Variants in GTF2IRD1 observed in about 807,000 individuals in gnomAD.
GTF2IRD1 encodes the protein general transcription factor II-I repeat domain-containing protein 1.
In GTF2IRD1, 26 loss-of-function variants were observed where a neutral mutation model predicts 113.2. The observed-to-expected ratio is 0.23, with a 90% confidence interval of 0.17 to 0.32. The LOEUF (loss-of-function observed/expected upper bound fraction) is 0.32. Ranked by LOEUF, GTF2IRD1 falls within the 10% of genes least tolerant of loss-of-function variation. The pLI is 1.00. For synonymous variants in GTF2IRD1, 484 were observed against 529.1 expected (o/e 0.91, Z 1.17); for missense variants, 864 against 1,280.8 (o/e 0.67, Z 4.97).
intron 22 of GTF2IRD1, chr7:74,571,228 G>T (rs1800677190): frequency 5.4e-6 from 3 of 552,798 alleles, no homozygotes; most frequent in Non-Finnish European, 6.9e-6. Context: ...AAAATGAGAA[G>T]AATTGCCCAC....
intron 22 of GTF2IRD1, among the ~76,000 whole-genome samples, chr7:74,581,361 G>A (rs1554366093): frequency 1.3e-5 from 2 of 152,214 alleles, no homozygotes; most frequent in Non-Finnish European, 2.9e-5. Context: ...GAGTGGTTCA[G>A]GGACTTGCCC....
At chr7:74,574,807 G>A (rs587594202) in intron 22 of GTF2IRD1, among the ~76,000 whole-genome samples, 8 of 150,642 alleles carry the variant, frequency 5.3e-5, no homozygotes, top group African/African-American at 9.7e-5. Context: ...AAAAAAACCC[G>A]GCTGAGTGCA....
chr7:74,527,579 C>A lies in GTF2IRD1; in HGVS notation c.1091-2155C>A, dbSNP rs1246617545. ...GTGTGGGGCCGGGGACTGTGGTTCA[C>A]TCCTTTAATCCCAGCACTTTGGGAG... On this transcript the variant is annotated intron_variant, in intron 8 of 26. Coordinates refer to ENST00000424337, the MANE Select transcript of GTF2IRD1 (RefSeq NM_005685.4). Among the ~76,000 whole-genome samples the A allele has an allele frequency of 3.3e-5, 5 of 152,320 alleles. No individual in the cohort carries two copies. The East Asian group carries it at 9.6e-4, about 29-fold the overall frequency.
intron 17 of GTF2IRD1, 37 bp downstream of exon 17, chr7:74,547,323 C>T (rs1554353616): frequency 1.3e-6 from 2 of 1,514,388 alleles, no homozygotes; most frequent in South Asian, 1.2e-5. Flanking sequence ...ACAGCACCGG[C>T]CCTGCTCAGC....
At chr7:74,472,155 A>G (rs1794151600) in intron 1 of GTF2IRD1, among the ~76,000 whole-genome samples, 1 of 152,200 alleles carries the variant, frequency 6.6e-6, no homozygotes, top group Non-Finnish European at 1.5e-5. Flanking sequence ...CATTTGTTCT[A>G]GTTGGTGCCA....
chr7:74,481,742 A>C (rs1182109631), intron 1 of GTF2IRD1, among the ~76,000 whole-genome samples: 3 of 152,312 alleles, frequency 2.0e-5, no homozygotes, highest in African/African-American at 7.2e-5. Context: ...GTACCAAGTG[A>C]AAGCTTTGGG....
chr7:74,481,013 C>T (rs1048963960), intron 1 of GTF2IRD1, among the ~76,000 whole-genome samples: 12 of 152,220 alleles, frequency 7.9e-5, no homozygotes, highest in African/African-American at 2.7e-4. Context: ...GGCTCCCTCA[C>T]TTCCCCTTGG....
intron 1 of GTF2IRD1, among the ~76,000 whole-genome samples, chr7:74,470,616 T>C (rs1463271485): frequency 6.6e-6 from 1 of 152,166 alleles, no homozygotes; most frequent in Admixed American, 6.6e-5. Flanking sequence ...TGCCCCAAAC[T>C]GGAAACAATT....
intron 22 of GTF2IRD1, chr7:74,570,988 C>A: frequency 1.9e-6 from 1 of 521,710 alleles, no homozygotes; most frequent in Non-Finnish European, 2.5e-6. Context: ...TTTGGGCAAA[C>A]ACGAGGGCTC....
intron 1 of GTF2IRD1, among the ~76,000 whole-genome samples, chr7:74,481,340 A>G (rs1486744384): frequency 6.6e-6 from 1 of 151,626 alleles, no homozygotes; most frequent in Non-Finnish European, 1.5e-5. Flanking sequence ...ATTTTTTGTT[A>G]GAGATGGGGT....
chr7:74,530,146 G>A (rs1797874815), intron 9 of GTF2IRD1, among the ~76,000 whole-genome samples: 1 of 151,618 alleles, frequency 6.6e-6, no homozygotes, highest in South Asian at 2.1e-4. Context: ...GGAGGCAGAG[G>A]TTGCAATGAG....
At chr7:74,594,911 C>A in intron 24 of GTF2IRD1, 103 bp from the exon 25 acceptor site, 2 of 692,138 alleles carry the variant, frequency 2.9e-6, no homozygotes, top group East Asian at 3.1e-5. Context: ...GAAATTGCGC[C>A]ACTGCACTTC....
intron 1 of GTF2IRD1, among the ~76,000 whole-genome samples, chr7:74,462,380 G>T (rs1477071362): frequency 1.3e-5 from 2 of 152,154 alleles, no homozygotes; most frequent in African/African-American, 4.8e-5. Context: ...AGCAACCACT[G>T]ATCTGTCTTC....
chr7:74,556,513 G>A (rs587683711), intron 19 of GTF2IRD1, among the ~76,000 whole-genome samples: 35 of 151,036 alleles, frequency 2.3e-4, no homozygotes, highest in African/African-American at 8.3e-4. Flanking sequence ...GTAGAGACGG[G>A]GTTTCACCAT....
chr7:74,474,082 CAAA>C (rs1562779286), intron 1 of GTF2IRD1, among the ~76,000 whole-genome samples: 15 of 29,074 alleles, frequency 5.2e-4, no homozygotes, highest in South Asian at 1.9e-3. Context: ...AAAAAAAAAA[CAAA>C]CAAAAAAATT....
Position 74,545,732 on chromosome 7 carries a change from T to G in GTF2IRD1, c.1667-12T>G. ...ACCAACCAGCCTCAACAGACTGCCT[T>G]TTGCCTTCCAGACAGCCACGGTGAC... is the stretch of plus-strand genomic sequence containing the variant. On this transcript the variant is annotated splice_polypyrimidine_tract_variant and intron_variant, in intron 15 of 26. Transcript: ENST00000424337. 6.2e-7 allele frequency: 1 copy of G among 1,611,036 alleles called. No individual in the cohort carries two copies. Among genetic ancestry groups the G allele is most frequent in the Non-Finnish European group, 8.5e-7 (1 of 1,178,712 alleles).
At chr7:74,547,075 T>A (rs1387380685) in intron 16 of GTF2IRD1, 28 bp from the exon 17 acceptor site, 1 of 1,598,138 alleles carries the variant, frequency 6.3e-7, no homozygotes, top group Non-Finnish European at 8.5e-7. Flanking sequence ...TGGCACCGGG[T>A]GGCCCTACAG....
chr7:74,533,005 G>A (rs782019441), intron 9 of GTF2IRD1, among the ~76,000 whole-genome samples: 10 of 152,158 alleles, frequency 6.6e-5, no homozygotes, highest in Non-Finnish European at 1.3e-4. Flanking sequence ...GTGGGGCTGA[G>A]GTTAGAAGGG....
intron 1 of GTF2IRD1, among the ~76,000 whole-genome samples, chr7:74,473,442 T>TGA (rs1385776275): frequency 2.6e-5 from 4 of 151,756 alleles, no homozygotes; most frequent in African/African-American, 9.7e-5. Context: ...TTTTTTTTTT[T>TGA]GAGAGAGGGT....
Sources: allele counts gnomAD v4.1 joint callset (sites outside exome capture counted in the v4.1 genomes callset), GRCh38; gene constraint gnomAD v4.1.1; transcripts MANE v1.5; gene names NCBI Gene and HGNC (gene_info 2026-07-23, HGNC 2026-07-21).